The following LITAF variants were observed in gnomAD, a reference collection of about 807,000 sequenced individuals.
LITAF encodes the protein lipopolysaccharide-induced tumor necrosis factor-alpha factor.
A neutral mutation model predicts 14.5 loss-of-function variants in LITAF; 9 were observed. That is an observed-to-expected ratio of 0.62 (90% CI 0.37 to 1.08). The LOEUF (loss-of-function observed/expected upper bound fraction) is 1.08. LITAF is among the 50% of genes least tolerant of loss of function. The pLI is 0.01. For missense variants in LITAF, 206 were observed against 213.4 expected (o/e 0.97, Z 0.22); for synonymous variants, 98 against 88.2 (o/e 1.11, Z -0.62).
In LITAF at chr16:11,577,711, CTTTTA is replaced by C. The variant is rs202161764; in HGVS notation, c.-6+9170_-6+9174del. On this transcript the variant is annotated intron_variant, in intron 1 of 3. Coordinates refer to ENST00000622633, the MANE Select transcript of LITAF (RefSeq NM_001136472.2). ...AGATACTCCCTCTCCAGGGGATGCA[CTTTTA>C]TTTTATTTTCTTTTTTTGAGACAGG... 7.6e-3 allele frequency among the ~76,000 whole-genome samples: 1,149 copies of C among 151,828 alleles called. 14 individuals carry two copies. The highest frequency in any genetic ancestry group is 0.011 in the Non-Finnish European group (730 of 67,906).
At chr16:11,637,630 A>G (rs1597379579), upstream of LITAF, among the ~76,000 whole-genome samples, 2 of 152,284 alleles carry the variant, frequency 1.3e-5, no homozygotes, top group East Asian at 3.9e-4. Context: ...GCAGCGGCTC[A>G]CGCCTATATT....
chr16:11,594,794 T>A (rs1404943605), intron 1 of LITAF, among the ~76,000 whole-genome samples: 1 of 152,028 alleles, frequency 6.6e-6, no homozygotes, highest in African/African-American at 2.4e-5. Context: ...GAGAATCATT[T>A]GAACCCAGGA....
At chr16:11,570,782 C>T (rs769259049) in intron 1 of LITAF, among the ~76,000 whole-genome samples, 6 of 151,886 alleles carry the variant, frequency 4.0e-5, no homozygotes, top group Non-Finnish European at 5.9e-5. Flanking sequence ...TGTGATAGCG[C>T]ACATGTATCA....
At chr16:11,574,951 T>C (rs571914535) in intron 1 of LITAF, among the ~76,000 whole-genome samples, 1 of 152,062 alleles carries the variant, frequency 6.6e-6, no homozygotes, top group Non-Finnish European at 1.5e-5. Flanking sequence ...TACAGGTGCA[T>C]GCCACCACGC....
At chr16:11,602,884 G>C (rs113587288), upstream of LITAF, among the ~76,000 whole-genome samples, 2 of 152,098 alleles carry the variant, frequency 1.3e-5, no homozygotes, top group Non-Finnish European at 2.9e-5. Flanking sequence ...GCCGAGGTGG[G>C]AGGATTGCTC....
intron 3 of LITAF, among the ~76,000 whole-genome samples, chr16:11,622,701 G>A (rs1422429247): frequency 6.6e-6 from 1 of 152,122 alleles, no homozygotes; most frequent in African/African-American, 2.4e-5. Context: ...GGATACTGGA[G>A]GGGTAGGTGG....
At chr16:11,595,524 T>C (rs540027097) in intron 1 of LITAF, among the ~76,000 whole-genome samples, 4,147 of 152,114 alleles carry the variant, frequency 0.027, 193 homozygotes, top group African/African-American at 0.095. Flanking sequence ...GATCAGGAGA[T>C]CGAGACCATC....
At chr16:11,552,283 T>A (rs1002330071) in intron 3 of LITAF, among the ~76,000 whole-genome samples, 1 of 152,300 alleles carries the variant, frequency 6.6e-6, no homozygotes, top group East Asian at 1.9e-4. Flanking sequence ...ACCTGCTTGG[T>A]GGGAAACAAA....
At chr16:11,588,101 C>T (rs113046575), upstream of LITAF, among the ~76,000 whole-genome samples, 394 of 152,238 alleles carry the variant, frequency 2.6e-3, 3 homozygotes, top group Admixed American at 2.7e-3. Flanking sequence ...CACCCTCAGC[C>T]GTGGACGAGT....
chr16:11,637,373 C>T (rs2141915565), upstream of LITAF, among the ~76,000 whole-genome samples: 1 of 152,354 alleles, frequency 6.6e-6, no homozygotes, highest in Admixed American at 6.5e-5. Context: ...TCATTGGTGG[C>T]TCACTCTCTA....
intron 2 of LITAF, chr16:11,556,290 C>T: frequency 3.5e-6 from 2 of 569,614 alleles, no homozygotes; most frequent in Middle Eastern, 2.6e-4. Flanking sequence ...TATATGATGA[C>T]CATGGGAAAG....
intron 1 of LITAF, among the ~76,000 whole-genome samples, chr16:11,572,989 C>T (rs1157029823): frequency 6.7e-6 from 1 of 149,016 alleles, no homozygotes; most frequent in East Asian, 2.0e-4. Flanking sequence ...CATGCAGTGG[C>T]GCAATCTCAG....
chr16:11,570,784 C>T (rs1162619795), intron 1 of LITAF, among the ~76,000 whole-genome samples: 2 of 151,824 alleles, frequency 1.3e-5, no homozygotes. Context: ...TGATAGCGCA[C>T]ATGTATCATC....
Position 11,634,949 on chromosome 16 carries a change from G to A in LITAF, c.-21+876C>T, listed in dbSNP as rs754089863. On this transcript the variant is annotated intron_variant, in intron 2 of 3. Transcript: ENST00000574848. The surrounding 1 kb of genome is among the most constrained non-coding windows in gnomAD (Gnocchi z 4.1). The stretch of plus-strand genomic sequence containing the variant: ...TTTGGGAGGCTGAGGCAGGAGAATC[G>A]ATTGAACCCGGGAAGCGGAGGTTGC... Among the ~76,000 whole-genome samples the A allele has an allele frequency of 9.9e-5, 15 of 152,052 alleles. No individual in the cohort carries two copies. The highest frequency in any genetic ancestry group is 2.9e-4 in the African/African-American group (12 of 41,408).
At chr16:11,598,178 A>G (rs1036403584) in intron 1 of LITAF, among the ~76,000 whole-genome samples, 4 of 152,048 alleles carry the variant, frequency 2.6e-5, no homozygotes, top group African/African-American at 9.7e-5. Flanking sequence ...AATTACAGGC[A>G]TGAGCCTCTG....
chr16:11,596,304 G>A (rs1446615020), intron 1 of LITAF, among the ~76,000 whole-genome samples: 1 of 151,800 alleles, frequency 6.6e-6, no homozygotes, highest in East Asian at 1.9e-4. Flanking sequence ...GGAAGAGCGT[G>A]TTCTCAGGAT....
chr16:11,565,788 G>A (rs1355005591), intron 1 of LITAF, among the ~76,000 whole-genome samples: 1 of 146,332 alleles, frequency 6.8e-6, no homozygotes, highest in Non-Finnish European at 1.5e-5. Context: ...TCTTCCGTCT[G>A]CCTCCTTCCT....
intron 1 of LITAF, among the ~76,000 whole-genome samples, chr16:11,562,306 T>A (rs1304477755): frequency 1.1e-5 from 1 of 90,984 alleles, no homozygotes; most frequent in Non-Finnish European, 2.0e-5. Context: ...TGAGCGAGAC[T>A]CCGTCTCAAA....
chr16:11,624,743 T>C (rs2065073117), intron 3 of LITAF, among the ~76,000 whole-genome samples: 1 of 152,192 alleles, frequency 6.6e-6, no homozygotes, highest in Non-Finnish European at 1.5e-5. Flanking sequence ...ATGAAAAACA[T>C]GGTCGCAGTA....
Sources: allele counts gnomAD v4.1 joint callset (sites outside exome capture counted in the v4.1 genomes callset), GRCh38; gene constraint gnomAD v4.1.1; non-coding constraint Gnocchi (gnomAD v3.1); transcripts MANE v1.5; gene names NCBI Gene and HGNC (gene_info 2026-07-23, HGNC 2026-07-21).